Variants in DAB1 observed in about 807,000 individuals in gnomAD.
DAB1 encodes disabled homolog 1.
In DAB1, 15 loss-of-function variants were observed where a neutral mutation model predicts 64.6. The ratio of observed to expected loss-of-function variants is 0.23; its 90% CI spans 0.16 to 0.36. The LOEUF is 0.36. Ranked by LOEUF, DAB1 falls within the 10% of genes least tolerant of loss-of-function variation. The pLI is 1.00. For synonymous variants in DAB1, 235 were observed against 251.9 expected (o/e 0.93, Z 0.64); for missense variants, 596 against 706.7 (o/e 0.84, Z 1.78).
At chr1:57,426,451 C>G (rs1383437742), upstream of DAB1, among the ~76,000 whole-genome samples, 1 of 152,096 alleles carries the variant, frequency 6.6e-6, no homozygotes, top group African/African-American at 2.4e-5. Flanking sequence ...AGTTGTTGTA[C>G]TAAACATGTC....
chr1:58,040,644 T>C (rs533240838), intron 5 of DAB1, among the ~76,000 whole-genome samples: 46 of 152,320 alleles, frequency 3.0e-4, no homozygotes, highest in Admixed American at 7.8e-4. Flanking sequence ...ATTGAGAACA[T>C]TGGAAGAGGA....
intron 6 of DAB1, among the ~76,000 whole-genome samples, chr1:57,770,151 C>T (rs1312593244): frequency 5.3e-5 from 8 of 152,110 alleles, no homozygotes; most frequent in African/African-American, 1.9e-4. Context: ...ATTCAAATGC[C>T]TTCTCAATCT....
intron 4 of DAB1, among the ~76,000 whole-genome samples, chr1:58,281,493 A>G (rs1490606706): frequency 1.3e-5 from 2 of 151,896 alleles, no homozygotes; most frequent in Non-Finnish European, 2.9e-5. Flanking sequence ...ATCTGAATAC[A>G]TATGTCAGCC....
chr1:57,988,097 A>G (rs568260425), intron 5 of DAB1, among the ~76,000 whole-genome samples: 47 of 152,098 alleles, frequency 3.1e-4, no homozygotes, highest in Admixed American at 1.8e-3. Context: ...AGACTCATCT[A>G]TGTTAACACT....
chr1:57,423,024 C>T (rs1685046498), intron 1 of DAB1, among the ~76,000 whole-genome samples: 1 of 151,882 alleles, frequency 6.6e-6, no homozygotes, highest in South Asian at 2.1e-4. Context: ...CACCCAGTGG[C>T]CCCTTTCAGA....
chr1:57,823,933 C>T (rs1195327528), downstream of DAB1, among the ~76,000 whole-genome samples: 4 of 152,146 alleles, frequency 2.6e-5, no homozygotes, highest in African/African-American at 9.7e-5. Flanking sequence ...GATTAGGAAG[C>T]CCATGTTCTT....
At chr1:58,473,954 C>T (rs756966419) in intron 3 of DAB1, 1 of 1,274,144 alleles carries the variant, frequency 7.8e-7, no homozygotes, top group South Asian at 1.2e-5. Flanking sequence ...CAATAAACTT[C>T]TCTTCCCGGA....
At chr1:57,874,638 G>A (rs1275709675) in intron 1 of DAB1, among the ~76,000 whole-genome samples, 2 of 152,126 alleles carry the variant, frequency 1.3e-5, no homozygotes, top group Non-Finnish European at 2.9e-5. Context: ...TGCAGCCATT[G>A]AGTCAAGTTC....
chr1:58,338,348 A>T (rs1663171302), intron 4 of DAB1, among the ~76,000 whole-genome samples: 1 of 151,604 alleles, frequency 6.6e-6, no homozygotes, highest in Non-Finnish European at 1.5e-5. Flanking sequence ...CTCTTCTCTG[A>T]CCCTGCTGGA....
At chr1:57,235,707 T>TAAAAAAAAAAAA (rs146853725) in intron 2 of DAB1, among the ~76,000 whole-genome samples, 1 of 148,032 alleles carries the variant, frequency 6.8e-6, no homozygotes, top group Non-Finnish European at 1.5e-5. Flanking sequence ...TTCAAAACTT[T>TAAAAAAAAAAAA]AAAAAAGAAA....
At chr1:58,146,993 C>T (rs1235835666) in intron 5 of DAB1, among the ~76,000 whole-genome samples, 1 of 152,048 alleles carries the variant, frequency 6.6e-6, no homozygotes, top group Non-Finnish European at 1.5e-5. Flanking sequence ...CCCTTGTATG[C>T]TGTTGGTGGG....
intron 6 of DAB1, among the ~76,000 whole-genome samples, chr1:57,666,509 A>G (rs1475523054): frequency 6.6e-6 from 1 of 152,194 alleles, no homozygotes; most frequent in Non-Finnish European, 1.5e-5. Context: ...AGTGGTACTT[A>G]GAAAATGTTT....
At chr1:58,437,668 A>C (rs1379956428) in intron 3 of DAB1, among the ~76,000 whole-genome samples, 1 of 152,270 alleles carries the variant, frequency 6.6e-6, no homozygotes, top group Non-Finnish European at 1.5e-5. Flanking sequence ...TACTACCTAG[A>C]ACAGTGGCTG....
intron 4 of DAB1, among the ~76,000 whole-genome samples, chr1:58,327,299 G>A (rs1662856024): frequency 6.6e-6 from 1 of 152,110 alleles, no homozygotes; most frequent in South Asian, 2.1e-4. Context: ...AAGGGAGGGA[G>A]GAAGGAAGGA....
rs530913943 is a variant in DAB1, at chr1:57,302,893, G to C, written c.-136-11727C>G. On this transcript the variant is annotated intron_variant, in intron 1 of 14. Transcript: ENST00000371236. ...CCACTACTTGGGTAGGGTTGGGCAC[G>C]CTATTTAACTCCCCCAAGCCTGAAT... is the stretch of plus-strand genomic sequence containing the variant. 2.6e-5 allele frequency among the ~76,000 whole-genome samples: 4 copies of C among 152,282 alleles called. No homozygotes were observed. The East Asian group carries it at 7.7e-4, about 29-fold the overall frequency.
chr1:57,503,304 A>G (rs369530083), intron 7 of DAB1, among the ~76,000 whole-genome samples: 2 of 152,342 alleles, frequency 1.3e-5, no homozygotes. Context: ...TTTAAGAAAG[A>G]AAAGAAATGC....
chr1:58,348,275 A>T (rs897014410), intron 3 of DAB1, among the ~76,000 whole-genome samples: 7 of 152,148 alleles, frequency 4.6e-5, no homozygotes, highest in African/African-American at 1.7e-4. Context: ...TGTACTCAAG[A>T]TTCAAAAAAA....
chr1:58,225,062 T>A (rs1466802704), intron 4 of DAB1, among the ~76,000 whole-genome samples: 17 of 152,208 alleles, frequency 1.1e-4, no homozygotes, highest in Non-Finnish European at 1.6e-4. Flanking sequence ...AATCTACTCA[T>A]CTGACAAAGG....
At chr1:57,456,875 C>T (rs1686615653) in intron 7 of DAB1, among the ~76,000 whole-genome samples, 1 of 151,990 alleles carries the variant, frequency 6.6e-6, no homozygotes, top group Non-Finnish European at 1.5e-5. Flanking sequence ...TAAACTGGAC[C>T]CATTTTTGAA....
Sources: gnomAD v4.1 joint callset for allele counts (sites outside exome capture counted in the v4.1 genomes callset) on GRCh38, gnomAD v4.1.1 for gene constraint, MANE v1.5 for transcripts, NCBI Gene and HGNC (gene_info 2026-07-23, HGNC 2026-07-21) for gene names.